AGBL1: variants seen among roughly 807,000 people sequenced by gnomAD.
AGBL1 encodes the protein cytosolic carboxypeptidase 4.
In AGBL1, 130 loss-of-function variants were observed where a neutral mutation model predicts 118.9. The observed-to-expected ratio is 1.09, with a 90% CI of 0.95 to 1.26. The LOEUF is 1.26. Ranked by LOEUF, AGBL1 falls within the 50% of genes most tolerant of loss-of-function variation. AGBL1 has a pLI of 0.00. For missense variants in AGBL1, 1,584 were observed against 1,298.1 expected, an observed-to-expected ratio of 1.22 and a Z score of -3.38; for synonymous variants, 555 against 478.9, an observed-to-expected ratio of 1.16 and a Z score of -2.08.
At chr15:86,653,990 G>A (rs887223682) in intron 21 of AGBL1, among the ~76,000 whole-genome samples, 4 of 152,152 alleles carry the variant, frequency 2.6e-5, no homozygotes, top group African/African-American at 7.2e-5. Flanking sequence ...TTGATAAAAA[G>A]CTTGCCCCAA....
At chr15:86,437,220 G>T (rs542854037) in intron 18 of AGBL1, among the ~76,000 whole-genome samples, 8 of 152,118 alleles carry the variant, frequency 5.3e-5, no homozygotes, top group African/African-American at 1.7e-4. Flanking sequence ...TCAAATATTC[G>T]ATAGAATTCT....
At chr15:86,495,387 C>G (rs1325163653) in intron 18 of AGBL1, among the ~76,000 whole-genome samples, 1 of 124,390 alleles carries the variant, frequency 8.0e-6, no homozygotes, top group Non-Finnish European at 1.8e-5. Flanking sequence ...TTAAATACCT[C>G]TATCTTTTTT....
At chr15:86,155,956 CTT>C (rs1439203643) in intron 4 of AGBL1, among the ~76,000 whole-genome samples, 1 of 152,056 alleles carries the variant, frequency 6.6e-6, no homozygotes, top group Admixed American at 6.6e-5. Context: ...AAGTCTCACT[CTT>C]TTGCCTAGGC....
chr15:86,632,091 C>T (rs750332277), intron 21 of AGBL1, among the ~76,000 whole-genome samples: 54 of 151,466 alleles, frequency 3.6e-4, no homozygotes, highest in Non-Finnish European at 7.2e-4. Flanking sequence ...CTAGGGAGAC[C>T]CTGTCTCCAC....
intron 17 of AGBL1, among the ~76,000 whole-genome samples, chr15:86,331,304 A>C (rs2141862921): frequency 6.6e-6 from 1 of 152,144 alleles, no homozygotes; most frequent in African/African-American, 2.4e-5. Context: ...TGGCATAGAT[A>C]ATAATTCTCT....
intron 22 of AGBL1, among the ~76,000 whole-genome samples, chr15:86,751,269 C>T (rs751164466): frequency 5.3e-5 from 8 of 152,114 alleles, no homozygotes; most frequent in Non-Finnish European, 1.0e-4. Context: ...TTTTTCTTCA[C>T]AACCTTGCCA....
intron 22 of AGBL1, among the ~76,000 whole-genome samples, chr15:86,862,054 A>G (rs2079565605): frequency 6.6e-6 from 1 of 152,140 alleles, no homozygotes; most frequent in African/African-American, 2.4e-5. Flanking sequence ...ACTCTTGTCC[A>G]AGCTACCAAC....
chr15:86,129,595 A>G (rs2076792880), intron 1 of AGBL1, among the ~76,000 whole-genome samples: 1 of 152,228 alleles, frequency 6.6e-6, no homozygotes, highest in Admixed American at 6.5e-5. Context: ...GTATTTTGCA[A>G]CATCTGTAGA....
At chr15:86,178,288 G>A (rs1022168399) in intron 5 of AGBL1, among the ~76,000 whole-genome samples, 1 of 152,134 alleles carries the variant, frequency 6.6e-6, no homozygotes, top group Non-Finnish European at 1.5e-5. Flanking sequence ...ACTCCAGCCC[G>A]ATGACAGAGC....
At chr15:86,733,196 G>C (rs887045692) in intron 22 of AGBL1, among the ~76,000 whole-genome samples, 19 of 152,004 alleles carry the variant, frequency 1.2e-4, no homozygotes, top group African/African-American at 4.6e-4. Context: ...CAATGGTATA[G>C]TGCAGTCTGT....
intron 1 of AGBL1, among the ~76,000 whole-genome samples, chr15:86,111,128 C>T (rs1897356037): frequency 6.6e-6 from 1 of 152,238 alleles, no homozygotes; most frequent in African/African-American, 2.4e-5. Context: ...GGCCAATGCC[C>T]CGGTTGGTCC....
intron 17 of AGBL1, among the ~76,000 whole-genome samples, chr15:86,315,731 A>AAG (rs1208870838): frequency 1.3e-5 from 2 of 151,742 alleles, no homozygotes; most frequent in Non-Finnish European, 2.9e-5. Flanking sequence ...AAAAAAAAAA[A>AAG]AAAAGTATAT....
At chr15:86,881,884 T>G (rs950602147) in intron 22 of AGBL1, among the ~76,000 whole-genome samples, 1 of 152,146 alleles carries the variant, frequency 6.6e-6, no homozygotes, top group African/African-American at 2.4e-5. Flanking sequence ...TCATGAGAAC[T>G]CACTCACTAG....
intron 18 of AGBL1, among the ~76,000 whole-genome samples, chr15:86,481,131 C>CAA (rs61161857): frequency 6.7e-5 from 9 of 133,744 alleles, no homozygotes; most frequent in African/African-American, 1.8e-4. Flanking sequence ...ACAATGAGAG[C>CAA]AAAAAAAAAA....
intron 17 of AGBL1, among the ~76,000 whole-genome samples, chr15:86,360,877 C>T (rs2080795818): frequency 6.6e-6 from 1 of 151,926 alleles, no homozygotes; most frequent in South Asian, 2.1e-4. Context: ...TCACCTTTCT[C>T]TTAAGCTATC....
chr15:86,200,857 C>A (rs2077897184), intron 5 of AGBL1, among the ~76,000 whole-genome samples: 1 of 152,002 alleles, frequency 6.6e-6, no homozygotes, highest in Non-Finnish European at 1.5e-5. Flanking sequence ...CTCAGGTGAT[C>A]CACTTGTCTC....
intron 21 of AGBL1, among the ~76,000 whole-genome samples, chr15:86,638,651 TAAG>T (rs1425623506): frequency 1.3e-5 from 2 of 152,134 alleles, no homozygotes. Context: ...GAGCTTGCCT[TAAG>T]AGGAGGCCAG....
intron 9 of AGBL1, among the ~76,000 whole-genome samples, chr15:86,261,504 C>T (rs974989350): frequency 6.6e-6 from 1 of 152,048 alleles, no homozygotes; most frequent in Non-Finnish European, 1.5e-5. Context: ...CATTTTTTTG[C>T]CCCTTGGATC....
chr15:86,654,384 A>G (rs1321891496), intron 21 of AGBL1, among the ~76,000 whole-genome samples: 1 of 152,146 alleles, frequency 6.6e-6, no homozygotes, highest in African/African-American at 2.4e-5. Flanking sequence ...AAGTAATTGC[A>G]TTTAGACAAA....
Sources: gnomAD v4.1 joint callset for allele counts (sites outside exome capture counted in the v4.1 genomes callset) on GRCh38, gnomAD v4.1.1 for gene constraint, MANE v1.5 for transcripts, NCBI Gene and HGNC (gene_info 2026-07-23, HGNC 2026-07-21) for gene names.